The following ZNF84 variants were observed in gnomAD, a reference collection of about 807,000 sequenced individuals.
ZNF84 encodes the protein zinc finger protein 84.
Under a neutral mutation model 14.8 loss-of-function variants are expected in ZNF84, and 12 were observed. That is an observed-to-expected ratio of 0.81 (90% CI 0.52 to 1.31). The LOEUF is 1.31. ZNF84 is among the 50% of genes most tolerant of loss of function. ZNF84 has a pLI of 0.00. For missense variants in ZNF84, 859 were observed against 878.6 expected (o/e 0.98, Z 0.28); for synonymous variants, 347 against 291.1 (o/e 1.19, Z -1.96).
At chr12:133,046,347 G>GGTTTGTTTTTTTTTTTTTTTTTTTTTTTT (rs1953976790) in intron 2 of ZNF84, among the ~76,000 whole-genome samples, 1 of 116,406 alleles carries the variant, frequency 8.6e-6, no homozygotes. Flanking sequence ...AGTCCTCACA[G>GGTTTGTTTTTTTTTTTTTTTTTTTTTTTT]TTTTTTTTTT....
At position 133,057,865 on chromosome 12, in the gene ZNF84, T is replaced by G. The variant is rs1954188946; in HGVS notation, c.1150T>G (p.Phe384Val). Residue 384 changes from phenylalanine to valine, a missense_variant, in exon 5 of 5, where the codon TTC (phenylalanine) becomes GTC (valine). Physicochemically the swap from Phe to Val is conservative, Grantham distance 50. Coordinates refer to ENST00000539354, the MANE Select transcript of ZNF84 (RefSeq NM_001289971.2). ...TGGATGTAGTGATTGTAGAAAAGCA[T>G]TCTTTGAGAAGTCAGAGCTTATTAG... ...PFGCSDCRKAFFEKSELIRHQ... is the reference protein window; with the variant it reads ...PFGCSDCRKAVFEKSELIRHQ... 2.1e-5 allele frequency: 34 copies of G among 1,613,392 alleles called. No individual in the cohort carries two copies. The highest frequency in any genetic ancestry group is 3.3e-5 in the Admixed American group (2 of 59,966).
In ZNF84 at chr12:133,060,723, C is replaced by T. The variant is rs1320738655; in HGVS notation, c.*1791C>T. ...ATTTTATCATTTGAAATGTATTTGA[C>T]TTTGTTTCACTAGTTGCATTATCCC... On this transcript the variant is annotated 3_prime_UTR_variant, in exon 5 of 5. Coordinates refer to ENST00000539354, the MANE Select transcript of ZNF84 (RefSeq NM_001289971.2). The T allele has an allele frequency of 6.6e-6, 1 of 152,178 alleles. No homozygotes were observed. The highest frequency in any genetic ancestry group is 1.5e-5 in the Non-Finnish European group (1 of 68,028). The allele number at this position is 152,178 out of a possible 1,614,324, so 9.4% of individuals were successfully genotyped here. A position where few individuals can be genotyped will look rare whatever the true frequency, so the allele number is the denominator to read the frequency against.
rs745768658 is a variant in ZNF84 at position 133,060,018 on chromosome 12, C to T, written c.*1086C>T. ...CCATAGTAATATATAACTGAATGAG[C>T]AAAATAAAGGTGTGTGAACTACATT... is the stretch of plus-strand genomic sequence containing the variant. On this transcript the variant is annotated 3_prime_UTR_variant, in exon 5 of 5. Transcript: ENST00000539354. 3 of 152,136 alleles carry T rather than the reference C, an allele frequency of 2.0e-5. No individual in the cohort carries two copies. Among genetic ancestry groups the T allele is most frequent in the Middle Eastern group, 3.4e-3 (1 of 294 alleles). 9.4% of individuals were successfully genotyped at this position (152,136 alleles called of 1,614,324 possible).
intron 2 of ZNF84, among the ~76,000 whole-genome samples, 158 bp downstream of exon 2, chr12:133,041,640 A>G (rs1368394131): frequency 1.3e-5 from 2 of 152,258 alleles, no homozygotes; most frequent in African/African-American, 2.4e-5. Flanking sequence ...TATATTAACT[A>G]CTGGACCATG....
chr12:133,060,675 C>G lies in ZNF84; in HGVS notation c.*1743C>G, dbSNP rs1172578340. 1 of 152,194 alleles carries G rather than the reference C, an allele frequency of 6.6e-6. No individual in the cohort carries two copies. The highest frequency in any genetic ancestry group is 2.4e-5 in the African/African-American group (1 of 41,460). 9.4% of individuals were successfully genotyped at this position (152,194 alleles called of 1,614,324 possible). On this transcript the variant is annotated 3_prime_UTR_variant, in exon 5 of 5. Transcript: ENST00000539354. ...CACATCCTCTTAAGTCAGGAACTAT[C>G]TGTATAAGGAAACAAGATTTCCATT...
intron 4 of ZNF84, 106 bp downstream of exon 4, chr12:133,048,954 T>G (rs375225895): frequency 2.3e-5 from 20 of 864,456 alleles, no homozygotes; most frequent in Admixed American, 1.8e-4. Flanking sequence ...AGTGATGGGT[T>G]GGCTGGTCAG....
chr12:133,040,585 AAAAAAG>A (rs1399944238), intron 1 of ZNF84: 1 of 151,878 alleles, frequency 6.6e-6, no homozygotes, highest in Non-Finnish European at 1.5e-5. Flanking sequence ...AAAAAAAAAA[AAAAAAG>A]AATGCTGATG....
Position 133,048,073 on chromosome 12 carries a change from T to G in ZNF84, c.134T>G (p.Val45Gly). 1.2e-6 allele frequency: 2 copies of G among 1,613,570 alleles called. No individual in the cohort carries two copies. The highest frequency in any genetic ancestry group is 1.7e-6 in the Non-Finnish European group (2 of 1,179,646). The change falls in exon 3 of 5, where the codon GTG becomes GGG. Residue 45 changes from valine (V) to glycine (G), a missense_variant. Physicochemically the swap from Val to Gly is moderately radical, Grantham distance 109 (BLOSUM62 -3). Coordinates refer to ENST00000539354, the MANE Select transcript of ZNF84 (RefSeq NM_001289971.2). ...ATGTTGGAGAACTATAGCAGCCTAG[T>G]GTCACTGGGTAATAAAAGCTTTCTT... ...DVMLENYSSL[V>G]SLGYEVMKPD...
At chr12:133,054,601 G>T (rs1035995495) in intron 4 of ZNF84, among the ~76,000 whole-genome samples, 4 of 141,586 alleles carry the variant, frequency 2.8e-5, no homozygotes, top group Non-Finnish European at 4.5e-5. Context: ...TTTTGAAAAT[G>T]TGTTGCATTA....
chr12:133,058,473 A>G lies in ZNF84; in HGVS notation c.1758A>G (p.Leu586=). Residue 586 remains leucine, a synonymous_variant, in exon 5 of 5, where the codon CTA becomes CTG. Transcript: ENST00000539354. ...AAGCTTTCTCCCAGAAATCACAGCT[A>G]AATACCCATCAGAGAATTCACACTG... The part of the protein sequence containing the change: ...CEKAFSQKSQ[L]NTHQRIHTGE... The G allele has an allele frequency of 6.2e-7, 1 of 1,613,962 alleles. No individual in the cohort carries two copies. Among genetic ancestry groups the G allele is most frequent in the Non-Finnish European group, 8.5e-7 (1 of 1,179,954 alleles).
In ZNF84 at chr12:133,063,207, G is replaced by C. The variant is rs944473030; in HGVS notation, c.*4275G>C. ...AGTACCTGGTTCTTCTGGTCTTCAT[G>C]TTCAGGTCCACCTCTGCCCTTTTCA... On this transcript the variant is annotated 3_prime_UTR_variant, in exon 5 of 5. Transcript: ENST00000539354. 1.4e-6 allele frequency: 1 copy of C among 702,362 alleles called. No individual in the cohort carries two copies. The highest frequency in any genetic ancestry group is 1.5e-5 in the South Asian group (1 of 67,592). The allele number at this position is 702,362 out of a possible 1,614,324, so 43.5% of individuals were successfully genotyped here.
In ZNF84 at chr12:133,057,889, A is replaced by G; in HGVS notation, c.1174A>G (p.Arg392Gly). 1 of 1,613,710 alleles carries G rather than the reference A, an allele frequency of 6.2e-7. No individual in the cohort carries two copies. The highest frequency in any genetic ancestry group is 2.2e-5 in the East Asian group (1 of 44,858). The change falls in exon 5 of 5, where the codon AGA (arginine) becomes GGA (glycine). Residue 392 changes from arginine (R) to glycine (G), a missense_variant. Arg to Gly is a moderately radical substitution (Grantham distance 125). Transcript: ENST00000539354. The stretch of plus-strand genomic sequence containing the variant: ...ATTCTTTGAGAAGTCAGAGCTTATT[A>G]GACATCAGACAATTCATACTGGAGA... ...KAFFEKSELIRHQTIHTGEKP... is the reference protein window; with the variant it reads ...KAFFEKSELIGHQTIHTGEKP...
At chr12:133,051,172 T>C (rs2137386026) in intron 4 of ZNF84, among the ~76,000 whole-genome samples, 1 of 152,112 alleles carries the variant, frequency 6.6e-6, no homozygotes, top group Non-Finnish European at 1.5e-5. Context: ...TCTTGTTGTT[T>C]TTATGTGCCC....
Position 133,060,497 on chromosome 12 carries a change from G to A in ZNF84, c.*1565G>A, listed in dbSNP as rs1954242091. 6.6e-6 allele frequency: 1 copy of A among 152,142 alleles called. No homozygotes were observed. Among genetic ancestry groups the A allele is most frequent in the Admixed American group, 6.5e-5 (1 of 15,278 alleles). 9.4% of individuals were successfully genotyped at this position (152,142 alleles called of 1,614,324 possible). Reference sequence around the variant, plus strand: ...TACACCCAACTTACCAAACATCATAGCTTAGCGTAGCCTACCTTAAACATT... The same window carrying A: ...TACACCCAACTTACCAAACATCATAACTTAGCGTAGCCTACCTTAAACATT... On this transcript the variant is annotated 3_prime_UTR_variant, in exon 5 of 5. Transcript: ENST00000539354.
chr12:133,043,544 C>A (rs1323155818), intron 2 of ZNF84, among the ~76,000 whole-genome samples: 2 of 152,060 alleles, frequency 1.3e-5, no homozygotes, highest in African/African-American at 4.8e-5. Flanking sequence ...TTACTTTGAT[C>A]ATTTCTTCTT....
rs1593694642 is a variant in ZNF84 at position 133,041,319 on chromosome 12, G to A, written c.-149G>A. 1.3e-6 allele frequency: 1 copy of A among 746,144 alleles called. No homozygotes were observed. The highest frequency in any genetic ancestry group is 2.3e-6 in the Non-Finnish European group (1 of 431,858). The allele number at this position is 746,144 out of a possible 1,614,324, so 46.2% of individuals were successfully genotyped here. A position where few individuals can be genotyped will look rare whatever the true frequency, so the allele number is the denominator to read the frequency against. On this transcript the variant is annotated 5_prime_UTR_variant, in exon 2 of 5. Coordinates refer to ENST00000539354, the MANE Select transcript of ZNF84 (RefSeq NM_001289971.2). ...CCTACAAATAAGCCTGCTCATGTGA[G>A]ATAAGAAAGGAGTTCCTGGAACCAG...
chr12:133,046,977 A>G (rs1387334801), intron 2 of ZNF84, among the ~76,000 whole-genome samples: 1 of 144,810 alleles, frequency 6.9e-6, no homozygotes, highest in African/African-American at 2.5e-5. Flanking sequence ...TATTATTTAT[A>G]TATATATATA....
At chr12:133,049,802 T>A (rs1954042784) in intron 4 of ZNF84, among the ~76,000 whole-genome samples, 1 of 152,162 alleles carries the variant, frequency 6.6e-6, no homozygotes, top group Non-Finnish European at 1.5e-5. Context: ...CTACCATCCT[T>A]TCATGTTGTT....
At chr12:133,044,594 T>C (rs1476892482) in intron 2 of ZNF84, among the ~76,000 whole-genome samples, 3 of 152,130 alleles carry the variant, frequency 2.0e-5, no homozygotes, top group Admixed American at 2.0e-4. Context: ...TTTCTTCTTG[T>C]TACTTTGGGT....
Sources: allele counts gnomAD v4.1 joint callset (sites outside exome capture counted in the v4.1 genomes callset), GRCh38; gene constraint gnomAD v4.1.1; transcripts MANE v1.5; gene names NCBI Gene and HGNC (gene_info 2026-07-23, HGNC 2026-07-21).